FAM135B: variants seen among roughly 807,000 people sequenced by gnomAD.
FAM135B encodes protein FAM135B.
FAM135B carries 43 observed loss-of-function variants against 127.7 expected under a neutral mutation model. The ratio of observed to expected loss-of-function variants is 0.34; its 90% CI spans 0.26 to 0.43. The LOEUF (loss-of-function observed/expected upper bound fraction) is 0.43. Ranked by LOEUF, FAM135B falls within the 20% of genes least tolerant of loss-of-function variation. The probability of loss-of-function intolerance (pLI) is 1.00; values close to 1 mark genes in which losing one functional copy is unlikely to be tolerated. For missense variants in FAM135B, 1,558 were observed against 1,725.6 expected (o/e 0.90, Z 1.72); for synonymous variants, 670 against 665.1 (o/e 1.01, Z -0.11).
rs145376665 is a variant in FAM135B at position 138,459,893 on chromosome 8, C to A, written c.-20+36778G>T. On this transcript the variant is annotated intron_variant, in intron 1 of 19. Coordinates refer to ENST00000395297, the MANE Select transcript of FAM135B (RefSeq NM_015912.4). ...GGTCCAGAATGCATCAGTTTAAATC[C>A]CAGGCAGCCTAAGGGAGTTACTTCA... Among the ~76,000 whole-genome samples the A allele has an allele frequency of 1.7e-3, 263 of 151,984 alleles. 3 individuals carry two copies. In the East Asian group the frequency reaches 0.048, roughly 28 times the overall value.
chr8:138,167,396 A>G (rs1420776004), intron 12 of FAM135B, among the ~76,000 whole-genome samples: 1 of 151,974 alleles, frequency 6.6e-6, no homozygotes. Flanking sequence ...GGGTTTCTCC[A>G]TTTTGGCCAG....
At chr8:138,193,474 G>A (rs989210937) in intron 9 of FAM135B, among the ~76,000 whole-genome samples, 5 of 152,290 alleles carry the variant, frequency 3.3e-5, no homozygotes, top group Admixed American at 1.3e-4. Flanking sequence ...AAATAGTCAC[G>A]AATCAGCTCT....
chr8:138,199,549 G>C (rs1434353725), intron 7 of FAM135B, among the ~76,000 whole-genome samples: 1 of 152,156 alleles, frequency 6.6e-6, no homozygotes. Context: ...CCATTCACTG[G>C]TCAGTACTTG....
chr8:138,299,802 TAA>T (rs1432349277), intron 3 of FAM135B, among the ~76,000 whole-genome samples: 1 of 152,060 alleles, frequency 6.6e-6, no homozygotes, highest in Non-Finnish European at 1.5e-5. Context: ...TGCTTATGAA[TAA>T]AGAGTTAGTT....
At chr8:138,269,243 G>A (rs1440660231) in intron 3 of FAM135B, among the ~76,000 whole-genome samples, 1 of 152,200 alleles carries the variant, frequency 6.6e-6, no homozygotes, top group African/African-American at 2.4e-5. Flanking sequence ...TCCCTCAGCT[G>A]GAGTTCCCAG....
At chr8:138,256,635 A>G in intron 5 of FAM135B, 54 bp downstream of exon 5, 1 of 1,431,268 alleles carries the variant, frequency 7.0e-7, no homozygotes, top group Non-Finnish European at 9.8e-7. Flanking sequence ...AGAGTGGGGA[A>G]GCGGGGAGGA....
intron 7 of FAM135B, among the ~76,000 whole-genome samples, chr8:138,227,717 T>C (rs1181921490): frequency 9.9e-6 from 1 of 101,514 alleles, no homozygotes; most frequent in African/African-American, 4.3e-5. Flanking sequence ...TGTCTCTCTT[T>C]TTTTTTTTTT....
chr8:138,384,378 AT>A (rs1832055152), intron 1 of FAM135B, among the ~76,000 whole-genome samples: 1 of 151,836 alleles, frequency 6.6e-6, no homozygotes, highest in Non-Finnish European at 1.5e-5. Context: ...TTATTTATTT[AT>A]TTATTTACCC....
chr8:138,282,344 A>G (rs2130747941), intron 3 of FAM135B, among the ~76,000 whole-genome samples: 1 of 152,346 alleles, frequency 6.6e-6, no homozygotes, highest in Admixed American at 6.5e-5. Flanking sequence ...CATTAAAATT[A>G]AAATTTTCTG....
At chr8:138,172,317 C>G (rs1307043843) in intron 11 of FAM135B, among the ~76,000 whole-genome samples, 1 of 152,224 alleles carries the variant, frequency 6.6e-6, no homozygotes, top group East Asian at 1.9e-4. Context: ...TCCAGCCCCA[C>G]TGACGTTCTC....
chr8:138,316,762 C>T (rs1387726477), intron 2 of FAM135B, among the ~76,000 whole-genome samples: 2 of 151,974 alleles, frequency 1.3e-5, no homozygotes, highest in Non-Finnish European at 1.5e-5. Flanking sequence ...AGGTAGATCA[C>T]GAGATCAGGA....
intron 2 of FAM135B, among the ~76,000 whole-genome samples, chr8:138,362,283 CT>C (rs34005300): frequency 0.04 from 3,916 of 99,112 alleles, 117 homozygotes; most frequent in African/African-American, 0.12. Flanking sequence ...ACCCCCATAT[CT>C]TTTTTTTTTT....
At chr8:138,244,307 A>C (rs1224878709) in intron 6 of FAM135B, among the ~76,000 whole-genome samples, 1 of 152,108 alleles carries the variant, frequency 6.6e-6, no homozygotes, top group Admixed American at 6.5e-5. Context: ...CGAGGTGAAA[A>C]GAATGTGTCC....
At chr8:138,346,977 A>AT (rs1829458684) in intron 2 of FAM135B, among the ~76,000 whole-genome samples, 1 of 152,198 alleles carries the variant, frequency 6.6e-6, no homozygotes, top group Non-Finnish European at 1.5e-5. Context: ...CGAGAAAAAG[A>AT]TTTTGTGTTT....
chr8:138,156,233 G>A (rs1002877175), intron 12 of FAM135B, among the ~76,000 whole-genome samples: 10 of 152,192 alleles, frequency 6.6e-5, no homozygotes, highest in African/African-American at 1.9e-4. Flanking sequence ...AAATAAAGAT[G>A]TTCTTTGAAA....
intron 1 of FAM135B, among the ~76,000 whole-genome samples, chr8:138,428,106 A>G (rs1834998524): frequency 6.6e-6 from 1 of 152,200 alleles, no homozygotes; most frequent in African/African-American, 2.4e-5. Flanking sequence ...GTTAATTTAT[A>G]ATCCAATCAT....
intron 7 of FAM135B, among the ~76,000 whole-genome samples, chr8:138,239,929 C>A (rs988753539): frequency 1.4e-5 from 2 of 141,896 alleles, no homozygotes; most frequent in African/African-American, 5.3e-5. Context: ...TGTTCTCACT[C>A]ATAGGTAGGA....
intron 3 of FAM135B, among the ~76,000 whole-genome samples, chr8:138,267,874 C>A (rs551088358): frequency 2.0e-5 from 3 of 152,170 alleles, no homozygotes; most frequent in Non-Finnish European, 4.4e-5. Context: ...CAAATTGATG[C>A]GGCTATTAAA....
intron 3 of FAM135B, among the ~76,000 whole-genome samples, chr8:138,285,820 T>G (rs2130769149): frequency 6.6e-6 from 1 of 152,306 alleles, no homozygotes; most frequent in South Asian, 2.1e-4. Context: ...CAGGTGAAGC[T>G]TTCGAACAGG....
Sources: allele counts gnomAD v4.1 joint callset (sites outside exome capture counted in the v4.1 genomes callset), GRCh38; gene constraint gnomAD v4.1.1; transcripts MANE v1.5; gene names NCBI Gene and HGNC (gene_info 2026-07-23, HGNC 2026-07-21).